The following TGDS variants were observed in gnomAD, a reference collection of about 807,000 sequenced individuals.
TGDS encodes UDP-D-glucose 4,6-dehydratase.
Under a neutral mutation model 52.3 loss-of-function variants are expected in TGDS, and 47 were observed. That is an observed-to-expected ratio of 0.90 (90% confidence interval 0.71 to 1.15). TGDS has a LOEUF of 1.15. Among genes scored for constraint, TGDS ranks in the 50% most tolerant of loss-of-function variants. The probability of loss-of-function intolerance (pLI) is 0.00; values close to 1 mark genes in which losing one functional copy is unlikely to be tolerated. For missense variants in TGDS, 375 were observed against 418.4 expected (o/e 0.90, Z 0.90); for synonymous variants, 115 against 136.9 (o/e 0.84, Z 1.12).
intron 10 of TGDS, among the ~76,000 whole-genome samples, chr13:94,576,774 A>G (rs1888617134): frequency 6.6e-6 from 1 of 152,216 alleles, no homozygotes; most frequent in Non-Finnish European, 1.5e-5. Flanking sequence ...TTTCATACAC[A>G]TTATAAATAA....
At chr13:94,577,484 A>C in intron 9 of TGDS, 55 bp from the exon 10 acceptor site, 1 of 1,433,402 alleles carries the variant, frequency 7.0e-7, no homozygotes, top group Non-Finnish European at 9.4e-7. Context: ...TCAGAGAATA[A>C]CAATAGTATT....
intron 7 of TGDS, 136 bp downstream of exon 7, chr13:94,579,758 G>A: frequency 2.0e-6 from 1 of 495,776 alleles, no homozygotes; most frequent in Non-Finnish European, 3.5e-6. Flanking sequence ...GAATCTGCAA[G>A]TGGTGTTATA....
chr13:94,589,754 T>C (rs1594454447), intron 4 of TGDS, among the ~76,000 whole-genome samples: 1 of 152,068 alleles, frequency 6.6e-6, no homozygotes, highest in African/African-American at 2.4e-5. Flanking sequence ...AGCACTGAAA[T>C]TGGCAAAAAT....
At chr13:94,593,507 A>T (rs1016022330) in intron 2 of TGDS, among the ~76,000 whole-genome samples, 8 of 152,218 alleles carry the variant, frequency 5.3e-5, no homozygotes, top group African/African-American at 1.7e-4. Context: ...TAGAAAAAAA[A>T]TCCAATTAAG....
rs1043434770 is a variant in TGDS at position 94,578,078 on chromosome 13, G to A, written c.752C>T (p.Pro251Leu). The change falls in exon 9 of 12, where the codon CCA becomes CTA. Residue 251 changes from proline (P) to leucine (L), a missense_variant. Transcript: ENST00000261296. ...GGTTCCGATGTTATAAATTTCACCTGGTTTCCCTTTTTTGAGGACAGTGAG... is the reference window on the plus strand; with the variant it reads ...GGTTCCGATGTTATAAATTTCACCTAGTTTCCCTTTTTTGAGGACAGTGAG... ...AFLTVLKKGK[P>L]GEIYNIGTNF... 1.1e-5 allele frequency: 17 copies of A among 1,613,814 alleles called. No homozygotes were observed. Among genetic ancestry groups the A allele is most frequent in the Non-Finnish European group, 1.4e-5 (17 of 1,179,890 alleles).
rs558757528 is a variant in TGDS at position 94,576,948 on chromosome 13, A to G, written c.884+423T>C. On this transcript the variant is annotated intron_variant, in intron 10 of 11. Transcript: ENST00000261296. ...CAAACCCGTCTCTACTAAAAATACG[A>G]AAATTAGCTGGGTGTAGTGGCGTGT... Among the ~76,000 whole-genome samples, 11 of 152,274 alleles carry G rather than the reference A, an allele frequency of 7.2e-5. No individual in the cohort carries two copies. The South Asian group carries it at 2.1e-3, about 29-fold the overall frequency.
At chr13:94,577,579 T>C (rs1281937891) in intron 9 of TGDS, 150 bp from the exon 10 acceptor site, 1 of 599,754 alleles carries the variant, frequency 1.7e-6, no homozygotes. Context: ...CTTTCTATAC[T>C]TTATAACCTA....
intron 4 of TGDS, among the ~76,000 whole-genome samples, chr13:94,588,225 A>T (rs1594452661): frequency 6.6e-6 from 1 of 151,612 alleles, no homozygotes; most frequent in African/African-American, 2.4e-5. Flanking sequence ...GGAGTTCAAG[A>T]CCAGCCTGGC....
chr13:94,588,430 A>AAAAAAAAAG (rs1220710909), intron 4 of TGDS, among the ~76,000 whole-genome samples: 2 of 147,972 alleles, frequency 1.4e-5, no homozygotes, highest in African/African-American at 5.0e-5. Flanking sequence ...TCAAAAAAAA[A>AAAAAAAAAG]AAAAAAAAAA....
intron 4 of TGDS, among the ~76,000 whole-genome samples, chr13:94,590,624 A>T (rs111775689): frequency 2.6e-5 from 4 of 152,150 alleles, no homozygotes; most frequent in African/African-American, 7.2e-5. Flanking sequence ...CACTATCCTG[A>T]ATTGGTTAAA....
Position 94,592,258 on chromosome 13 carries a change from T to A in TGDS, c.205A>T (p.Asn69Tyr). 17 of 1,610,894 alleles carry A rather than the reference T, an allele frequency of 1.1e-5. No individual in the cohort carries two copies. Among genetic ancestry groups the A allele is most frequent in the Non-Finnish European group, 1.4e-5 (17 of 1,179,040 alleles). ...GTTCATACCTGTATAAATTTGTAGT[T>A]CTGTTTGTTAGAAATGGTTTCAAGA... ...KNLETISNKQ[N>Y]YKFIQGDICD... Residue 69 changes from asparagine to tyrosine, a missense_variant, in exon 3 of 12, where the codon AAC becomes TAC. Asn to Tyr is a moderately radical substitution (Grantham distance 143, BLOSUM62 -2). Transcript: ENST00000261296.
intron 1 of TGDS, among the ~76,000 whole-genome samples, chr13:94,594,636 C>T (rs962954814): frequency 1.3e-5 from 2 of 152,162 alleles, no homozygotes; most frequent in African/African-American, 4.8e-5. Context: ...ATTCGGCATT[C>T]CTTTCACAGC....
chr13:94,592,817 C>CA (rs1019992988), intron 2 of TGDS, among the ~76,000 whole-genome samples: 1 of 151,734 alleles, frequency 6.6e-6, no homozygotes, highest in Non-Finnish European at 1.5e-5. Context: ...TTCAAAGTAC[C>CA]AAAAAACAAA....
At chr13:94,579,769 C>G in intron 7 of TGDS, 125 bp downstream of exon 7, 1 of 577,214 alleles carries the variant, frequency 1.7e-6, no homozygotes, top group Non-Finnish European at 3.0e-6. Context: ...TGGTGTTATA[C>G]AGCATATAAA....
intron 4 of TGDS, among the ~76,000 whole-genome samples, chr13:94,588,464 CAAAGCAGACTGAAAAAAAGGTAGCTGCA>C (rs903407937): frequency 7.9e-6 from 1 of 126,842 alleles, no homozygotes; most frequent in Non-Finnish European, 1.7e-5. Flanking sequence ...TGCAAAAAGG[CAAAGCAGACTGAAAAAAAGGTAGCTGCA>C]AAAGGCTTGG....
chr13:94,593,839 AC>A lies in TGDS; in HGVS notation c.153+1del. On this transcript the variant is annotated splice_donor_variant, in intron 2 of 11. Coordinates refer to ENST00000261296, the MANE Select transcript of TGDS (RefSeq NM_014305.4). LOFTEE classifies it high-confidence loss of function. ...CATGATGCTCATTTTTATAAAACTC[AC>A]CTTGTCTAGATTTATGATCATATAG... is the stretch of plus-strand genomic sequence containing the variant. The A allele has an allele frequency of 6.4e-7, 1 of 1,558,416 alleles. No homozygotes were observed. The highest frequency in any genetic ancestry group is 8.8e-7 in the Non-Finnish European group (1 of 1,140,858).
Position 94,574,494 on chromosome 13 carries a change from G to A in TGDS, c.*288C>T, listed in dbSNP as rs1020977798. Reference sequence around the variant, plus strand: ...GCACCACTACCCCTCATGGTTGTCCGAATCAGGAGACTTCTTCCTGGCTAC... The same window carrying A: ...GCACCACTACCCCTCATGGTTGTCCAAATCAGGAGACTTCTTCCTGGCTAC... On this transcript the variant is annotated 3_prime_UTR_variant, in exon 12 of 12. Transcript: ENST00000261296. 4 of 270,074 alleles carry A rather than the reference G, an allele frequency of 1.5e-5. No individual in the cohort carries two copies. The highest frequency in any genetic ancestry group is 2.8e-5 in the Non-Finnish European group (4 of 144,674). The allele number at this position is 270,074 out of a possible 1,614,324, so 16.7% of individuals were successfully genotyped here. A position where few individuals can be genotyped will look rare whatever the true frequency, so the allele number is the denominator to read the frequency against.
chr13:94,591,465 C>T lies in TGDS; in HGVS notation c.223-522G>A, dbSNP rs182331341. Among the ~76,000 whole-genome samples, 757 of 152,178 alleles carry T rather than the reference C, an allele frequency of 5.0e-3. 2 individuals are homozygous for T. The highest frequency in any genetic ancestry group is 8.0e-3 in the Non-Finnish European group (543 of 68,012). ...AAAATTAGCTGGGCATGGTAGCAGG[C>T]GCCTGTAATCCCAGCTAGTCGGGAG... On this transcript the variant is annotated intron_variant, in intron 3 of 11. Coordinates refer to ENST00000261296, the MANE Select transcript of TGDS (RefSeq NM_014305.4).
In TGDS at chr13:94,594,010, C is replaced by T. The variant is rs1889292101; in HGVS notation, c.87-103G>A. On this transcript the variant is annotated intron_variant, in intron 1 of 11. Transcript: ENST00000261296. ...GTACTAGGAAAATACTCAAAGATAA[C>T]TTTAATTTTTTCTAAGATAACAGAA... 7 of 689,354 alleles carry T rather than the reference C, an allele frequency of 1.0e-5. No individual in the cohort carries two copies. In the South Asian group the frequency reaches 1.3e-4, roughly 13 times the overall value. 42.7% of individuals were successfully genotyped at this position (689,354 alleles called of 1,614,324 possible).
Sources: allele counts gnomAD v4.1 joint callset (sites outside exome capture counted in the v4.1 genomes callset), GRCh38; gene constraint gnomAD v4.1.1; transcripts MANE v1.5; gene names NCBI Gene and HGNC (gene_info 2026-07-23, HGNC 2026-07-21).